Variants in ASCL5 observed in about 807,000 individuals in gnomAD.
ASCL5 encodes the protein achaete-scute family bHLH transcription factor 5.
For synonymous variants in ASCL5, 124 were observed against 131.5 expected (o/e 0.94, Z 0.39); for missense variants, 262 against 268.9 (o/e 0.97, Z 0.18).
intron 1 of ASCL5, among the ~76,000 whole-genome samples, chr1:201,123,426 A>G (rs538420907): frequency 6.6e-6 from 1 of 152,324 alleles, no homozygotes; most frequent in Admixed American, 6.5e-5. Context: ...ACACATGCCT[A>G]GCACTTACCT....
intron 1 of ASCL5, among the ~76,000 whole-genome samples, chr1:201,117,123 A>C (rs1663365438): frequency 6.6e-6 from 1 of 152,186 alleles, no homozygotes; most frequent in South Asian, 2.1e-4. Context: ...AGCGTCATGG[A>C]GACTTAGGTA....
chr1:201,119,292 G>C (rs76159419), intron 1 of ASCL5, among the ~76,000 whole-genome samples: 4,772 of 152,258 alleles, frequency 0.031, 142 homozygotes, highest in East Asian at 0.11. Flanking sequence ...CAAGCAGCAG[G>C]AGCCCCCTTG....
intron 1 of ASCL5, among the ~76,000 whole-genome samples, chr1:201,118,737 T>A (rs755510193): frequency 1.3e-5 from 2 of 152,166 alleles, no homozygotes; most frequent in Non-Finnish European, 2.9e-5. Flanking sequence ...ATAATAATAA[T>A]GATAATCATA....
intron 1 of ASCL5, among the ~76,000 whole-genome samples, chr1:201,116,087 G>A (rs1050842119): frequency 1.3e-5 from 2 of 152,198 alleles, no homozygotes; most frequent in Admixed American, 1.3e-4. Context: ...TAACGGAAGG[G>A]CAAGGGAAAC....
rs1663301497 is a variant in ASCL5 at position 201,114,857 on chromosome 1, A to G, written c.516T>C (p.Pro172=). The stretch of plus-strand genomic sequence containing the variant: ...AGGGCGCCCGGGCCTCGCCGTCGCC[A>G]GGGCGGTCGGGACGGGGGGTGGCGG... ...APPATPRPDR[P]GDGEARAPSS... The change falls in exon 2 of 2, where the codon CCT becomes CCC. Residue 172 remains proline (P), a synonymous_variant. Transcript: ENST00000449188. 2.8e-6 allele frequency: 3 copies of G among 1,052,788 alleles called. No individual in the cohort carries two copies. Among genetic ancestry groups the G allele is most frequent in the African/African-American group, 3.4e-5 (2 of 58,434 alleles). 65.2% of individuals were successfully genotyped at this position (1,052,788 alleles called of 1,614,324 possible).
At position 201,115,280 on chromosome 1, in the gene ASCL5, C is replaced by CT. The variant is rs1663315739; in HGVS notation, c.92dup (p.Ala32GlyfsTer85). 1.8e-5 allele frequency: 22 copies of CT among 1,230,590 alleles called. No homozygotes were observed. The highest frequency in any genetic ancestry group is 2.1e-5 in the Non-Finnish European group (21 of 987,490). 76.2% of individuals were successfully genotyped at this position (1,230,590 alleles called of 1,614,324 possible). A position where few individuals can be genotyped will look rare whatever the true frequency, so the allele number is the denominator to read the frequency against. On this transcript the variant is annotated frameshift_variant, in exon 2 of 2. Coordinates refer to ENST00000449188, the MANE Select transcript of ASCL5 (RefSeq NM_001270601.2). LOFTEE classifies it low-confidence loss of function (END_TRUNC). ...GGGGCTCGGCGGGGGGCAGGGGCGC[C>CT]TGCCGGGGAGGGGGCATGACGCCCA... is the stretch of plus-strand genomic sequence containing the variant.
chr1:201,113,995 A>G lies in ASCL5; in HGVS notation c.*757T>C, dbSNP rs1338417764. ...TTATTTAGCTCTTTGGTGCCGACGC[A>G]GTGCCTATGTACCTATATGCACGCC... On this transcript the variant is annotated 3_prime_UTR_variant, in exon 2 of 2. Transcript: ENST00000449188. 6.6e-6 allele frequency: 1 copy of G among 152,110 alleles called. No individual in the cohort carries two copies. Among genetic ancestry groups the G allele is most frequent in the Non-Finnish European group, 1.5e-5 (1 of 68,026 alleles). 9.4% of individuals were successfully genotyped at this position (152,110 alleles called of 1,614,324 possible). A position where few individuals can be genotyped will look rare whatever the true frequency, so the allele number is the denominator to read the frequency against.
At chr1:201,120,036 C>T (rs1199752714) in intron 1 of ASCL5, among the ~76,000 whole-genome samples, 1 of 152,190 alleles carries the variant, frequency 6.6e-6, no homozygotes, top group African/African-American at 2.4e-5. Context: ...TGCTGTTCCT[C>T]CCCAGAGCTT....
chr1:201,123,545 G>T (rs1472870831), intron 1 of ASCL5, among the ~76,000 whole-genome samples: 1 of 152,218 alleles, frequency 6.6e-6, no homozygotes, highest in Admixed American at 6.5e-5. Context: ...GGCAAAGAGT[G>T]GTTAAGCAAA....
intron 1 of ASCL5, among the ~76,000 whole-genome samples, chr1:201,116,534 C>G (rs1314546811): frequency 3.9e-5 from 6 of 152,152 alleles, no homozygotes; most frequent in Admixed American, 2.6e-4. Context: ...CCTAGCCCAG[C>G]CCCTGTTGAG....
chr1:201,114,640 A>C lies in ASCL5; in HGVS notation c.*112T>G, dbSNP rs1663292363. ...GACACGGGAGCGCCGCGGACCTCCT[A>C]CAGTCACCGTCCTGCGGCGCATCGC... is the stretch of plus-strand genomic sequence containing the variant. On this transcript the variant is annotated 3_prime_UTR_variant, in exon 2 of 2. Transcript: ENST00000449188. The C allele has an allele frequency of 1.0e-6, 1 of 991,654 alleles. No homozygotes were observed. The highest frequency in any genetic ancestry group is 1.7e-5 in the African/African-American group (1 of 59,228). 61.4% of individuals were successfully genotyped at this position (991,654 alleles called of 1,614,324 possible).
In ASCL5 at chr1:201,114,299, G is replaced by C. The variant is rs538274968; in HGVS notation, c.*453C>G. 11 of 154,918 alleles carry C rather than the reference G, an allele frequency of 7.1e-5. No homozygotes were observed. The highest frequency in any genetic ancestry group is 2.6e-4 in the African/African-American group (11 of 41,718). 9.6% of individuals were successfully genotyped at this position (154,918 alleles called of 1,614,324 possible). On this transcript the variant is annotated 3_prime_UTR_variant, in exon 2 of 2. Transcript: ENST00000449188. ...TCCCAAAGAAGTCGCTAGTATCTGA[G>C]GCCATCTGGTGGAGAGCAGTGGCAT...
At position 201,115,671 on chromosome 1, in the gene ASCL5, C is replaced by T. The variant is rs960803006; in HGVS notation, c.-299G>A. 3 of 226,862 alleles carry T rather than the reference C, an allele frequency of 1.3e-5. No individual in the cohort carries two copies. Among genetic ancestry groups the T allele is most frequent in the Non-Finnish European group, 1.7e-5 (2 of 117,256 alleles). 14.1% of individuals were successfully genotyped at this position (226,862 alleles called of 1,614,324 possible). A position where few individuals can be genotyped will look rare whatever the true frequency, so the allele number is the denominator to read the frequency against. ...CGTTCCGCAGCACCCATGGGCATGG[C>T]CACAGACCCGCCCACCCTGCCTCTT... is the stretch of plus-strand genomic sequence containing the variant. On this transcript the variant is annotated 5_prime_UTR_variant, in exon 2 of 2. Transcript: ENST00000449188.
intron 1 of ASCL5, among the ~76,000 whole-genome samples, chr1:201,119,526 C>T (rs568036263): frequency 1.8e-4 from 28 of 152,234 alleles, no homozygotes; most frequent in African/African-American, 6.5e-4. Flanking sequence ...GACTGTGGGT[C>T]CCTAGGTCTC....
chr1:201,114,810 G>A lies in ASCL5; in HGVS notation c.563C>T (p.Ser188Phe). The A allele has an allele frequency of 2.5e-6, 3 of 1,224,406 alleles. No homozygotes were observed. Among genetic ancestry groups the A allele is most frequent in the Non-Finnish European group, 3.1e-6 (3 of 983,400 alleles). 75.8% of individuals were successfully genotyped at this position (1,224,406 alleles called of 1,614,324 possible). A position where few individuals can be genotyped will look rare whatever the true frequency, so the allele number is the denominator to read the frequency against. The change falls in exon 2 of 2, where the codon TCC becomes TTC. Residue 188 changes from serine (S) to phenylalanine (F), a missense_variant. Ser to Phe is a radical substitution (Grantham distance 155). Coordinates refer to ENST00000449188, the MANE Select transcript of ASCL5 (RefSeq NM_001270601.2). ...RAPSSLVPESSESSCFSPSPF... is the reference protein window; with the variant it reads ...RAPSSLVPESFESSCFSPSPF... ...CGACGGGGAGAAGCAGGAGGACTCG[G>A]ATGACTCCGGCACCAGGGAGGAGGG...
rs1487663739 is a variant in ASCL5 at position 201,115,135 on chromosome 1, AG to A, written c.237del (p.Phe80SerfsTer53). ...FPGAFGVYEY[P>X]FEPAFIQKRN... ...CGCTTCTGGATGAAGGCTGGCTCGAAGGGGTATTCGTAGACCCCGAAGGCGC... is the reference window on the plus strand; with the variant it reads ...CGCTTCTGGATGAAGGCTGGCTCGAAGGGTATTCGTAGACCCCGAAGGCGC... On this transcript the variant is annotated frameshift_variant, in exon 2 of 2. Coordinates refer to ENST00000449188, the MANE Select transcript of ASCL5 (RefSeq NM_001270601.2). LOFTEE classifies it low-confidence loss of function (END_TRUNC). 1 of 1,231,574 alleles carries A rather than the reference AG, an allele frequency of 8.1e-7. No homozygotes were observed. The highest frequency in any genetic ancestry group is 1.6e-5 in the African/African-American group (1 of 64,394). The allele number at this position is 1,231,574 out of a possible 1,614,324, so 76.3% of individuals were successfully genotyped here. A position where few individuals can be genotyped will look rare whatever the true frequency, so the allele number is the denominator to read the frequency against.
At chr1:201,122,080 G>T (rs1663473359) in intron 1 of ASCL5, among the ~76,000 whole-genome samples, 1 of 152,192 alleles carries the variant, frequency 6.6e-6, no homozygotes, top group South Asian at 2.1e-4. Context: ...ATGGCACCTT[G>T]CTGGGTTAGA....
rs575389587 is a variant in ASCL5 at position 201,115,609 on chromosome 1, AGCCCATGGCGCCGCGGAACTCTGAGG to A, written c.-263_-238del. The A allele has an allele frequency of 3.1e-4, 108 of 350,102 alleles. No homozygotes were observed. In the South Asian group the frequency reaches 3.8e-3, roughly 12 times the overall value. The allele number at this position is 350,102 out of a possible 1,614,324, so 21.7% of individuals were successfully genotyped here. ...GGTCGGTGCACGCCTTCTCAGAGCCAGCCCATGGCGCCGCGGAACTCTGAGGGCCCGCACCCCGTTCCGCAGCACCC... is the reference window on the plus strand; with the variant it reads ...GGTCGGTGCACGCCTTCTCAGAGCCAGCCCGCACCCCGTTCCGCAGCACCC... On this transcript the variant is annotated 5_prime_UTR_variant, in exon 2 of 2. An upstream start codon of the reference 5' UTR is lost. Transcript: ENST00000449188.
chr1:201,122,195 A>T (rs1477189832), intron 1 of ASCL5, among the ~76,000 whole-genome samples: 5 of 152,148 alleles, frequency 3.3e-5, no homozygotes, highest in Admixed American at 2.0e-4. Context: ...TGGGCCCCAG[A>T]GCCTGCTTAG....
Sources: gnomAD v4.1 joint callset for allele counts (sites outside exome capture counted in the v4.1 genomes callset) on GRCh38, gnomAD v4.1.1 for gene constraint, MANE v1.5 for transcripts, NCBI Gene and HGNC (gene_info 2026-07-23, HGNC 2026-07-21) for gene names.